PCDHA3: variants seen among roughly 807,000 people sequenced by gnomAD.
PCDHA3 encodes protocadherin alpha 3, also known as protocadherin alpha-3.
In PCDHA3, 41 loss-of-function variants were observed where a neutral mutation model predicts 62.2. That is an observed-to-expected ratio of 0.66 (90% confidence interval 0.51 to 0.86). The LOEUF (loss-of-function observed/expected upper bound fraction) is 0.86. Among genes scored for constraint, PCDHA3 ranks in the 40% least tolerant of loss-of-function variants. The pLI is 0.00. For synonymous variants in PCDHA3, 640 were observed against 555.4 expected (o/e 1.15, Z -2.14); for missense variants, 1,304 against 1,241.2 (o/e 1.05, Z -0.76).
chr5:140,850,843 C>T, intron 1 of PCDHA3: 1 of 1,597,346 alleles, frequency 6.3e-7, no homozygotes, highest in African/African-American at 1.3e-5. Flanking sequence ...GCTGGATCTA[C>T]AGAGCGAACG....
At chr5:140,833,401 T>C (rs1772445861) in intron 1 of PCDHA3, among the ~76,000 whole-genome samples, 1 of 152,180 alleles carries the variant, frequency 6.6e-6, no homozygotes, top group South Asian at 2.1e-4. Flanking sequence ...CAAGACTTGA[T>C]CAAAGGGCTG....
intron 1 of PCDHA3, among the ~76,000 whole-genome samples, chr5:140,977,448 C>G (rs1265708365): frequency 6.6e-6 from 1 of 152,212 alleles, no homozygotes; most frequent in African/African-American, 2.4e-5. Flanking sequence ...ATAATGGAAA[C>G]TCCTTTGATT....
chr5:140,959,303 T>C (rs1467527270), intron 1 of PCDHA3, among the ~76,000 whole-genome samples: 1 of 151,938 alleles, frequency 6.6e-6, no homozygotes, highest in African/African-American at 2.4e-5. Flanking sequence ...CTGAGCCCGG[T>C]GGTTGAAGCT....
Position 140,853,770 on chromosome 5 carries a change from A to G in PCDHA3, c.2394+50179A>G. 3 of 988,146 alleles carry G rather than the reference A, an allele frequency of 3.0e-6. No homozygotes were observed. In the South Asian group the frequency reaches 1.4e-4, roughly 47 times the overall value. 61.2% of individuals were successfully genotyped at this position (988,146 alleles called of 1,614,324 possible). On this transcript the variant is annotated intron_variant, in intron 1 of 3. Coordinates refer to ENST00000522353, the MANE Select transcript of PCDHA3 (RefSeq NM_018906.3). ...CAAGGCTCCACCTCAGAAATTCTGA[A>G]ATGGGTAGTAAGAGCAAATTTTCAT...
At chr5:140,827,339 T>C (rs1769253765) in intron 1 of PCDHA3, among the ~76,000 whole-genome samples, 1 of 152,120 alleles carries the variant, frequency 6.6e-6, no homozygotes, top group Non-Finnish European at 1.5e-5. Context: ...AGTGGTGAAG[T>C]ATATGAAAAG....
intron 1 of PCDHA3, chr5:140,882,442 G>A (rs1554174153): frequency 6.2e-7 from 1 of 1,613,948 alleles, no homozygotes; most frequent in African/African-American, 1.3e-5. Context: ...AGCTGGCGGA[G>A]CTGGTGCCGC....
At chr5:140,867,805 T>C (rs1260432905) in intron 1 of PCDHA3, 1 of 152,150 alleles carries the variant, frequency 6.6e-6, no homozygotes. Flanking sequence ...GCATTTTCTA[T>C]GAAATTCCAT....
At chr5:140,979,178 G>C (rs782006168) in intron 2 of PCDHA3, 171 bp downstream of exon 2, 32 of 944,022 alleles carry the variant, frequency 3.4e-5, no homozygotes, top group Non-Finnish European at 4.0e-5. Flanking sequence ...GATCGCAAAT[G>C]GTCAGTGCCA....
chr5:140,957,104 C>T (rs2095333785), intron 1 of PCDHA3, among the ~76,000 whole-genome samples: 1 of 152,104 alleles, frequency 6.6e-6, no homozygotes, highest in Non-Finnish European at 1.5e-5. Context: ...TTGCTATGGA[C>T]ATGATTCTGT....
Position 140,927,758 on chromosome 5 carries a change from A to C in PCDHA3, c.2395-51191A>C, listed in dbSNP as rs781942462. 3 of 1,614,170 alleles carry C rather than the reference A, an allele frequency of 1.9e-6. No individual in the cohort carries two copies. In the South Asian group the frequency reaches 3.3e-5, roughly 18 times the overall value. Reference sequence around the variant, plus strand: ...CGACACCGCTTTCACGTGCACCCTAAAAGTGGGGAGGTGCAAGTAGCTGCT... The same window carrying C: ...CGACACCGCTTTCACGTGCACCCTACAAGTGGGGAGGTGCAAGTAGCTGCT... On this transcript the variant is annotated intron_variant, in intron 1 of 3. Transcript: ENST00000522353.
At chr5:140,927,694 G>A in intron 1 of PCDHA3, 1 of 1,614,202 alleles carries the variant, frequency 6.2e-7, no homozygotes, top group Non-Finnish European at 8.5e-7. Context: ...CAATGGGGAA[G>A]TCCAGTACTC....
intron 1 of PCDHA3, chr5:140,829,069 C>T: frequency 6.2e-7 from 1 of 1,612,166 alleles, no homozygotes; most frequent in Non-Finnish European, 8.5e-7. Context: ...CGGACAAAGG[C>T]CATCCTCCCA....
intron 1 of PCDHA3, chr5:140,882,615 T>A (rs1554174850): frequency 6.2e-7 from 1 of 1,614,020 alleles, no homozygotes; most frequent in South Asian, 1.1e-5. Flanking sequence ...CCTCTGCAGG[T>A]TTTCCATGTG....
At chr5:140,972,001 A>G (rs2096512667) in intron 1 of PCDHA3, among the ~76,000 whole-genome samples, 1 of 152,202 alleles carries the variant, frequency 6.6e-6, no homozygotes, top group African/African-American at 2.4e-5. Context: ...CAATGTTTAT[A>G]TTCCCTTTTA....
At chr5:140,944,385 C>T (rs1273075803) in intron 1 of PCDHA3, among the ~76,000 whole-genome samples, 4 of 152,092 alleles carry the variant, frequency 2.6e-5, no homozygotes, top group Non-Finnish European at 5.9e-5. Flanking sequence ...TGGAGTCTCA[C>T]TGTGTTATCC....
intron 1 of PCDHA3, chr5:140,849,848 C>T (rs1554143388): frequency 6.3e-6 from 10 of 1,598,544 alleles, no homozygotes; most frequent in African/African-American, 4.0e-5. Context: ...TGAACGACAA[C>T]GCACCAGCGT....
chr5:140,821,675 A>C, intron 1 of PCDHA3: 2 of 1,308,536 alleles, frequency 1.5e-6, no homozygotes, highest in Non-Finnish European at 2.1e-6. Context: ...GAAGCTCAGA[A>C]AGGCGATAAT....
At chr5:140,875,997 T>C in intron 1 of PCDHA3, 13 of 1,613,924 alleles carry the variant, frequency 8.1e-6, no homozygotes, top group South Asian at 1.1e-5. Context: ...TAAGTCTAAA[T>C]GAGAATTTTG....
intron 3 of PCDHA3, among the ~76,000 whole-genome samples, chr5:140,999,235 T>C (rs1407252981): frequency 6.6e-6 from 1 of 152,154 alleles, no homozygotes; most frequent in Non-Finnish European, 1.5e-5. Context: ...GAATAGGTGG[T>C]TAAAGTGGGA....
Sources: allele counts gnomAD v4.1 joint callset (sites outside exome capture counted in the v4.1 genomes callset), GRCh38; gene constraint gnomAD v4.1.1; transcripts MANE v1.5; gene names NCBI Gene and HGNC (gene_info 2026-07-23, HGNC 2026-07-21).